Variants in PPIP5K2 observed in about 807,000 individuals in gnomAD.
PPIP5K2 encodes the protein diphosphoinositol pentakisphosphate kinase 2, also known as inositol hexakisphosphate and diphosphoinositol-pentakisphosphate kinase 2.
In PPIP5K2, 105 loss-of-function variants were observed where a neutral mutation model predicts 154.6. The ratio of observed to expected loss-of-function variants is 0.68; its 90% confidence interval spans 0.58 to 0.80. The LOEUF (loss-of-function observed/expected upper bound fraction) is 0.80. Among genes scored for constraint, PPIP5K2 ranks in the 30% least tolerant of loss-of-function variants. The pLI is 0.00. For synonymous variants in PPIP5K2, 480 were observed against 490.3 expected (o/e 0.98, Z 0.28); for missense variants, 992 against 1,504.6 (o/e 0.66, Z 5.64).
intron 16 of PPIP5K2, among the ~76,000 whole-genome samples, chr5:103,158,836 G>A (rs1404453522): frequency 6.6e-6 from 1 of 152,022 alleles, no homozygotes; most frequent in Non-Finnish European, 1.5e-5. Flanking sequence ...GGCTGAGATG[G>A]GAGGATCACC....
intron 5 of PPIP5K2, among the ~76,000 whole-genome samples, chr5:103,139,799 A>G (rs74772551): frequency 0.053 from 8,007 of 152,318 alleles, 534 homozygotes; most frequent in African/African-American, 0.16. Flanking sequence ...AGAAGGAATC[A>G]GAATTGTATC....
At chr5:103,154,590 T>G in intron 11 of PPIP5K2, 80 bp from the exon 12 acceptor site, 2 of 846,230 alleles carry the variant, frequency 2.4e-6, no homozygotes, top group Non-Finnish European at 1.8e-6. Context: ...TAGCTTATCA[T>G]TTATTATTTG....
At chr5:103,192,447 A>G (rs1355013435) in intron 29 of PPIP5K2, among the ~76,000 whole-genome samples, 3 of 152,042 alleles carry the variant, frequency 2.0e-5, no homozygotes, top group African/African-American at 7.2e-5. Flanking sequence ...ATGATGTTTC[A>G]TTGCTTCCCT....
intron 5 of PPIP5K2, among the ~76,000 whole-genome samples, chr5:103,143,680 C>G (rs1430828901): frequency 2.6e-5 from 4 of 152,156 alleles, no homozygotes; most frequent in Non-Finnish European, 5.9e-5. Flanking sequence ...ACTCTATACT[C>G]TCTACATATG....
chr5:103,168,057 G>A lies in PPIP5K2; in HGVS notation c.2063-15G>A, dbSNP rs782516389. ...TTTTTAAGTTGCATAAACTAAAAAT[G>A]TTATGTTGTTTTAGATATTCAGCTT... On this transcript the variant is annotated splice_polypyrimidine_tract_variant and intron_variant, in intron 18 of 30. Coordinates refer to ENST00000358359, the MANE Select transcript of PPIP5K2 (RefSeq NM_001276277.3). 7.9e-6 allele frequency: 12 copies of A among 1,526,862 alleles called. No homozygotes were observed. Among genetic ancestry groups the A allele is most frequent in the Admixed American group, 7.5e-5 (4 of 53,212 alleles). 94.6% of individuals were successfully genotyped at this position (1,526,862 alleles called of 1,614,324 possible).
At chr5:103,136,488 A>G (rs2149483855) in intron 3 of PPIP5K2, among the ~76,000 whole-genome samples, 1 of 152,314 alleles carries the variant, frequency 6.6e-6, no homozygotes, top group Middle Eastern at 3.4e-3. Flanking sequence ...CTTCACTCAC[A>G]TGTCAGTGCT....
intron 30 of PPIP5K2, 106 bp downstream of exon 30, chr5:103,195,131 C>T (rs1801876952): frequency 1.4e-5 from 19 of 1,374,952 alleles, no homozygotes; most frequent in Non-Finnish European, 1.8e-5. Flanking sequence ...TTTGCACTTC[C>T]CTAGAGCGTA....
intron 9 of PPIP5K2, 56 bp from the exon 10 acceptor site, chr5:103,152,592 A>G: frequency 2.9e-6 from 3 of 1,035,518 alleles, no homozygotes; most frequent in South Asian, 2.7e-5. Context: ...CTCATTAAGT[A>G]CCCAGTTTTG....
chr5:103,177,346 C>T (rs185809251), intron 21 of PPIP5K2, among the ~76,000 whole-genome samples: 2 of 151,760 alleles, frequency 1.3e-5, no homozygotes, highest in South Asian at 4.2e-4. Flanking sequence ...ATCTGAAAAC[C>T]CAAAATTCTC....
At chr5:103,174,219 G>T in intron 21 of PPIP5K2, 1 of 322,730 alleles carries the variant, frequency 3.1e-6, no homozygotes, top group Non-Finnish European at 5.7e-6. Context: ...TAGACTGGTG[G>T]CAGTAAAGAG....
At chr5:103,142,747 G>A (rs1264492083) in intron 5 of PPIP5K2, among the ~76,000 whole-genome samples, 1 of 147,040 alleles carries the variant, frequency 6.8e-6, no homozygotes, top group African/African-American at 2.5e-5. Context: ...CTGCACTCCA[G>A]CCTGGGCGAG....
At position 103,151,250 on chromosome 5, in the gene PPIP5K2, T is replaced by G; in HGVS notation, c.907-3T>G. On this transcript the variant is annotated splice_region_variant and splice_polypyrimidine_tract_variant and intron_variant, in intron 8 of 30. Coordinates refer to ENST00000358359, the MANE Select transcript of PPIP5K2 (RefSeq NM_001276277.3). ...CTTAAAGTTTATAACTTATTTTAAATAGCAAACAGTTTGTGGCTTTGATTT... is the reference window on the plus strand; with the variant it reads ...CTTAAAGTTTATAACTTATTTTAAAGAGCAAACAGTTTGTGGCTTTGATTT... 6.3e-7 allele frequency: 1 copy of G among 1,589,144 alleles called. No individual in the cohort carries two copies. Among genetic ancestry groups the G allele is most frequent in the Non-Finnish European group, 8.6e-7 (1 of 1,168,544 alleles).
intron 6 of PPIP5K2, 122 bp from the exon 7 acceptor site, chr5:103,147,808 TA>T: frequency 3.2e-6 from 2 of 628,470 alleles, no homozygotes; most frequent in Non-Finnish European, 2.8e-6. Context: ...ATTTGTGGAT[TA>T]AAAAATGTAT....
chr5:103,153,432 A>G (rs1028104051), intron 10 of PPIP5K2, among the ~76,000 whole-genome samples: 1 of 151,814 alleles, frequency 6.6e-6, no homozygotes, highest in Non-Finnish European at 1.5e-5. Context: ...TTCTCCTTAC[A>G]TGGGCAAAAC....
intron 25 of PPIP5K2, 35 bp downstream of exon 25, chr5:103,183,442 C>A: frequency 6.4e-7 from 1 of 1,558,822 alleles, no homozygotes; most frequent in Non-Finnish European, 8.8e-7. Context: ...CATTTTTCCT[C>A]CCTGCATTCA....
chr5:103,143,397 G>A (rs1204606547), intron 5 of PPIP5K2, among the ~76,000 whole-genome samples: 1 of 152,182 alleles, frequency 6.6e-6, no homozygotes, highest in Non-Finnish European at 1.5e-5. Flanking sequence ...TGTAGCCCAG[G>A]CTGGTTTCAA....
In PPIP5K2 at chr5:103,120,499, A is replaced by C. The variant is rs569256879; in HGVS notation, c.-285+11A>C. Reference sequence around the variant, plus strand: ...CCGCATTCGTGGCAGGTGAGGGCCCAAAACCGGAGGAGAACCGGAGATGCG... The same window carrying C: ...CCGCATTCGTGGCAGGTGAGGGCCCCAAACCGGAGGAGAACCGGAGATGCG... On this transcript the variant is annotated intron_variant, in intron 1 of 30. Transcript: ENST00000358359. 1 of 456,664 alleles carries C rather than the reference A, an allele frequency of 2.2e-6. No individual in the cohort carries two copies. Among genetic ancestry groups the C allele is most frequent in the African/African-American group, 2.0e-5 (1 of 50,170 alleles). 28.3% of individuals were successfully genotyped at this position (456,664 alleles called of 1,614,324 possible).
At position 103,133,660 on chromosome 5, in the gene PPIP5K2, A is replaced by C; in HGVS notation, c.310+12A>C. ...TTTCCATTCTAAAGGTATTAAGGGG[A>C]GTGGGGGAGAAACTCCTTTATCCTC... On this transcript the variant is annotated intron_variant, in intron 3 of 30. Transcript: ENST00000358359. The C allele has an allele frequency of 6.4e-7, 1 of 1,555,684 alleles. No homozygotes were observed.
rs1562405374 is a variant in PPIP5K2, at chr5:103,146,697, C to T, written c.642+16C>T. 3 of 1,585,588 alleles carry T rather than the reference C, an allele frequency of 1.9e-6. No homozygotes were observed. Among genetic ancestry groups the T allele is most frequent in the South Asian group, 1.1e-5 (1 of 88,298 alleles). On this transcript the variant is annotated intron_variant, in intron 6 of 30. Transcript: ENST00000358359. The stretch of plus-strand genomic sequence containing the variant: ...CTTTAGAAAGGTAACACCTTTGTAA[C>T]TTTTGTATGAATACTCTTCTTTGTA...
Sources: gnomAD v4.1 joint callset for allele counts (sites outside exome capture counted in the v4.1 genomes callset) on GRCh38, gnomAD v4.1.1 for gene constraint, MANE v1.5 for transcripts, NCBI Gene and HGNC (gene_info 2026-07-23, HGNC 2026-07-21) for gene names.